The following PPP2R2B variants were observed in gnomAD, a reference collection of about 807,000 sequenced individuals.
The protein encoded by PPP2R2B is protein phosphatase 2 regulatory subunit Bbeta, also known as serine/threonine-protein phosphatase 2A 55 kDa regulatory subunit B beta isoform.
A neutral mutation model predicts 46.0 loss-of-function variants in PPP2R2B; 5 were observed. That is an observed-to-expected ratio of 0.11 (90% CI 0.06 to 0.23). The LOEUF is 0.23. Among genes scored for constraint, PPP2R2B ranks in the 10% least tolerant of loss-of-function variants. The pLI is 1.00. For synonymous variants in PPP2R2B, 215 were observed against 206.7 expected (o/e 1.04, Z -0.34); for missense variants, 367 against 575.0 (o/e 0.64, Z 3.70).
At chr5:146,595,470 C>T (rs140158800) in intron 8 of PPP2R2B, among the ~76,000 whole-genome samples, 17 of 152,264 alleles carry the variant, frequency 1.1e-4, no homozygotes, top group East Asian at 1.9e-4. Context: ...TTGGAAGTCA[C>T]GCCCATTAGC....
intron 1 of PPP2R2B, among the ~76,000 whole-genome samples, chr5:146,904,672 T>G (rs1175934828): frequency 6.6e-6 from 1 of 152,142 alleles, no homozygotes; most frequent in African/African-American, 2.4e-5. Flanking sequence ...AGCCTCAGTA[T>G]AGAATGAAAG....
rs541124179 is a variant in PPP2R2B at position 146,958,799 on chromosome 5, G to A, written c.79+96866C>T. Among the ~76,000 whole-genome samples the A allele has an allele frequency of 5.9e-5, 9 of 152,210 alleles. No individual in the cohort carries two copies. In the East Asian group the frequency reaches 1.4e-3, roughly 23 times the overall value. On this transcript the variant is annotated intron_variant, in intron 1 of 8. Coordinates refer to the PPP2R2B transcript ENST00000336640. Reference sequence around the variant, plus strand: ...ATGAGCTATATCATTACTATCTTCCGAGTGCCTTTGTGTGAACTTAGCTCT... The same window carrying A: ...ATGAGCTATATCATTACTATCTTCCAAGTGCCTTTGTGTGAACTTAGCTCT...
chr5:146,878,727 A>AGCTGTTGCT lies in PPP2R2B; in HGVS notation c.-262_-261insAGCAACAGC. ...CTCACACCCACACGCGCGCACTCGC[A>AGCTGTTGCT]GCTGCTGCTGCTGCTGCTGCTGCTG... On this transcript the variant is annotated 5_prime_UTR_variant, in exon 1 of 10. Transcript: ENST00000394411. The surrounding 1 kb of genome is among the most constrained non-coding windows in gnomAD (Gnocchi z 4.5). The AGCTGTTGCT allele has an allele frequency of 7.7e-7, 1 of 1,297,208 alleles. No individual in the cohort carries two copies. Among genetic ancestry groups the AGCTGTTGCT allele is most frequent in the Non-Finnish European group, 1.0e-6 (1 of 991,008 alleles). The allele number at this position is 1,297,208 out of a possible 1,614,324, so 80.4% of individuals were successfully genotyped here. A position where few individuals can be genotyped will look rare whatever the true frequency, so the allele number is the denominator to read the frequency against.
chr5:146,947,870 G>A lies in PPP2R2B; in HGVS notation c.79+107795C>T, dbSNP rs558102200. On this transcript the variant is annotated intron_variant, in intron 1 of 8. Coordinates refer to the PPP2R2B transcript ENST00000336640. ...ACCACTTCATTAGGAATGCCCTTGCGTTCTCTTCTTTTCCTCAAGGCGAAA... is the reference window on the plus strand; with the variant it reads ...ACCACTTCATTAGGAATGCCCTTGCATTCTCTTCTTTTCCTCAAGGCGAAA... Among the ~76,000 whole-genome samples, 12 of 151,554 alleles carry A rather than the reference G, an allele frequency of 7.9e-5. No homozygotes were observed. The South Asian group carries it at 1.3e-3, about 16-fold the overall frequency.
intron 2 of PPP2R2B, among the ~76,000 whole-genome samples, chr5:146,763,992 G>A (rs533147726): frequency 2.6e-5 from 4 of 152,258 alleles, no homozygotes; most frequent in South Asian, 2.1e-4. Flanking sequence ...CTCCCAAAGT[G>A]CTGGGATTAC....
At chr5:146,967,985 G>A (rs1055097519) in intron 1 of PPP2R2B, among the ~76,000 whole-genome samples, 4 of 152,176 alleles carry the variant, frequency 2.6e-5, no homozygotes, top group Non-Finnish European at 5.9e-5. Flanking sequence ...TAAGCCGCAT[G>A]CACCACTAAA....
At chr5:146,975,542 A>G (rs936241508) in intron 1 of PPP2R2B, among the ~76,000 whole-genome samples, 2 of 152,226 alleles carry the variant, frequency 1.3e-5, no homozygotes, top group Non-Finnish European at 2.9e-5. Context: ...TGGCTGGATC[A>G]TATGGTAACT....
chr5:147,024,089 A>T (rs1233266065), intron 1 of PPP2R2B, among the ~76,000 whole-genome samples: 1 of 152,210 alleles, frequency 6.6e-6, no homozygotes, highest in Non-Finnish European at 1.5e-5. Context: ...AATTGCAGAT[A>T]GCATATCATG....
At chr5:146,609,167 A>C (rs1238772268) in intron 7 of PPP2R2B, among the ~76,000 whole-genome samples, 1 of 152,176 alleles carries the variant, frequency 6.6e-6, no homozygotes, top group Non-Finnish European at 1.5e-5. Flanking sequence ...AAGGAGAAAA[A>C]CCCTCAAAAA....
intron 1 of PPP2R2B, among the ~76,000 whole-genome samples, chr5:147,028,517 A>T (rs1561586291): frequency 6.6e-6 from 1 of 152,210 alleles, no homozygotes; most frequent in Admixed American, 6.5e-5. Context: ...ATGAAGCAAT[A>T]CAGTATATTT....
intron 1 of PPP2R2B, among the ~76,000 whole-genome samples, chr5:147,014,539 T>C (rs1463104406): frequency 2.0e-5 from 3 of 152,094 alleles, no homozygotes; most frequent in South Asian, 2.1e-4. Flanking sequence ...ATATACACCA[T>C]GGAATACTAT....
chr5:146,683,646 A>G (rs1030709597), intron 5 of PPP2R2B, among the ~76,000 whole-genome samples: 4 of 152,202 alleles, frequency 2.6e-5, no homozygotes, highest in Admixed American at 6.5e-5. Context: ...GTCTCTGAAC[A>G]TTAGCCAAAA....
Position 146,908,525 on chromosome 5 carries a change from A to ATT in PPP2R2B, c.79+147138_79+147139dup, listed in dbSNP as rs60166631. On this transcript the variant is annotated intron_variant, in intron 1 of 8. Transcript: ENST00000336640. ...AGCTACGTAATAAAGAAATTGTTAG[A>ATT]TTTTTTTTTTTTTTTGGCATAGGGG... Among the ~76,000 whole-genome samples the ATT allele has an allele frequency of 4.3e-3, 617 of 143,124 alleles. 10 individuals are homozygous for ATT. The highest frequency in any genetic ancestry group is 0.014 in the African/African-American group (565 of 39,016). 93.9% of individuals were successfully genotyped at this position (143,124 alleles called of 152,430 possible). A position where few individuals can be genotyped will look rare whatever the true frequency, so the allele number is the denominator to read the frequency against.
intron 2 of PPP2R2B, among the ~76,000 whole-genome samples, chr5:146,857,082 T>C (rs571359397): frequency 6.6e-6 from 1 of 152,156 alleles, no homozygotes; most frequent in South Asian, 2.1e-4. Context: ...CAAAGTAGGG[T>C]CCTGTGGACA....
At chr5:147,060,722 T>C (rs1387952842), upstream of PPP2R2B, among the ~76,000 whole-genome samples, 1 of 152,198 alleles carries the variant, frequency 6.6e-6, no homozygotes. Flanking sequence ...TCCCAACATA[T>C]ACAGCTCCTG....
chr5:146,620,084 G>A (rs1773545017), intron 7 of PPP2R2B, among the ~76,000 whole-genome samples: 1 of 152,138 alleles, frequency 6.6e-6, no homozygotes, highest in Non-Finnish European at 1.5e-5. Context: ...ACAGAGGCTT[G>A]GAGAGATAGG....
intron 2 of PPP2R2B, among the ~76,000 whole-genome samples, chr5:146,772,150 G>A (rs1217935743): frequency 6.6e-6 from 1 of 151,876 alleles, no homozygotes; most frequent in African/African-American, 2.4e-5. Context: ...GGTTCTATAT[G>A]GGCTATCATG....
intron 1 of PPP2R2B, among the ~76,000 whole-genome samples, chr5:146,946,117 G>A (rs1764473923): frequency 6.6e-6 from 1 of 152,162 alleles, no homozygotes; most frequent in Non-Finnish European, 1.5e-5. Flanking sequence ...TTATCCCTGT[G>A]TTCCCTTTTA....
chr5:147,064,079 C>T (rs1313597893), intron 2 of PPP2R2B, among the ~76,000 whole-genome samples: 1 of 152,190 alleles, frequency 6.6e-6, no homozygotes, highest in Non-Finnish European at 1.5e-5. Flanking sequence ...CTGCTCACAG[C>T]AGCCTGCATG....
Sources: gnomAD v4.1 joint callset for allele counts (sites outside exome capture counted in the v4.1 genomes callset) on GRCh38, gnomAD v4.1.1 for gene constraint, Gnocchi (gnomAD v3.1) non-coding constraint, MANE v1.5 for transcripts, NCBI Gene and HGNC (gene_info 2026-07-23, HGNC 2026-07-21) for gene names.